The following ZFHX3 variants were observed in gnomAD, a reference collection of about 807,000 sequenced individuals.
ZFHX3 encodes zinc finger homeobox 3.
In ZFHX3, 42 loss-of-function variants were observed where a neutral mutation model predicts 279.1. The ratio of observed to expected loss-of-function variants is 0.15; its 90% CI spans 0.12 to 0.19. The LOEUF (loss-of-function observed/expected upper bound fraction) is 0.19. Among genes scored for constraint, ZFHX3 ranks in the 10% least tolerant of loss-of-function variants. The pLI is 1.00. For synonymous variants in ZFHX3, 2,293 were observed against 1,957.8 expected, an observed-to-expected ratio of 1.17 and a Z score of -4.52; for missense variants, 4,981 against 4,754.0, an observed-to-expected ratio of 1.05 and a Z score of -1.40.
At chr16:73,761,555 G>A in intron 1 of ZFHX3, among the ~76,000 whole-genome samples, 1 of 152,140 alleles carries the variant, frequency 6.6e-6, no homozygotes, top group African/African-American at 2.4e-5. Flanking sequence ...AACAAAGCTG[G>A]AGGTGTCATG....
At chr16:73,566,385 T>A (rs2020451072) in intron 2 of ZFHX3, among the ~76,000 whole-genome samples, 1 of 152,194 alleles carries the variant, frequency 6.6e-6, no homozygotes, top group South Asian at 2.1e-4. Flanking sequence ...GAGTGTATTG[T>A]CTGATAGTTC....
chr16:73,544,909 T>G (rs1305187875), intron 2 of ZFHX3, among the ~76,000 whole-genome samples: 1 of 152,030 alleles, frequency 6.6e-6, no homozygotes. Context: ...GATACTAAAG[T>G]GCTAGTCGTG....
intron 1 of ZFHX3, among the ~76,000 whole-genome samples, chr16:73,766,929 A>G (rs550385792): frequency 5.6e-4 from 79 of 142,000 alleles, no homozygotes; most frequent in African/African-American, 2.0e-3. Context: ...GGGTTTTGCC[A>G]TTACTTTTTT....
chr16:73,169,875 C>A (rs1467727349), intron 5 of ZFHX3, among the ~76,000 whole-genome samples: 1 of 152,132 alleles, frequency 6.6e-6, no homozygotes, highest in Non-Finnish European at 1.5e-5. Flanking sequence ...CTCTGACCCA[C>A]CCAATTGTAA....
At chr16:73,150,258 T>C (rs1164965125) in intron 5 of ZFHX3, among the ~76,000 whole-genome samples, 1 of 152,142 alleles carries the variant, frequency 6.6e-6, no homozygotes, top group Non-Finnish European at 1.5e-5. Flanking sequence ...GACAATGTCA[T>C]CTACTGGCTG....
rs13333321 is a variant in ZFHX3 at position 73,852,041 on chromosome 16, T to C, written c.-1608+39610A>G. On this transcript the variant is annotated intron_variant, in intron 1 of 17. Coordinates refer to the ZFHX3 transcript ENST00000641206. ...TGATTGCCCAAGGTTTCACTGGACA[T>C]TCACAAAGGTAAAAATTGTTCATAA... Among the ~76,000 whole-genome samples, 1,409 of 152,296 alleles carry C rather than the reference T, an allele frequency of 9.3e-3. 23 individuals are homozygous for C. The highest frequency in any genetic ancestry group is 0.031 in the African/African-American group (1,301 of 41,556).
At chr16:73,652,806 A>T in intron 2 of ZFHX3, among the ~76,000 whole-genome samples, 1 of 152,186 alleles carries the variant, frequency 6.6e-6, no homozygotes, top group Non-Finnish European at 1.5e-5. Flanking sequence ...TTATTTCCAT[A>T]TGAATACAAA....
intron 1 of ZFHX3, among the ~76,000 whole-genome samples, chr16:73,058,344 GCGGGCGCGGGGAGCGCGGGCGGCGGCGGC>G (rs1028662083): frequency 7.4e-5 from 11 of 148,474 alleles, no homozygotes; most frequent in African/African-American, 2.7e-4. Context: ...CGAGCAGGGC[GCGGGCGCGGGGAGCGCGGGCGGCGGCGGC>G]CGGGCGCGAG....
chr16:73,810,436 AAGGGTTCTTAAATCTAAT>A (rs1229602444), intron 1 of ZFHX3, among the ~76,000 whole-genome samples: 1 of 152,204 alleles, frequency 6.6e-6, no homozygotes, highest in African/African-American at 2.4e-5. Flanking sequence ...GATAACCTCT[AAGGGTTCTTAAATCTAAT>A]GATTTATTTT....
intron 2 of ZFHX3, among the ~76,000 whole-genome samples, chr16:73,583,160 C>T (rs537358451): frequency 3.3e-5 from 5 of 152,260 alleles, no homozygotes; most frequent in African/African-American, 1.2e-4. Flanking sequence ...AATATCTGGG[C>T]CAATCAGGTT....
chr16:73,869,435 A>G (rs1962108138), intron 1 of ZFHX3, among the ~76,000 whole-genome samples: 1 of 152,244 alleles, frequency 6.6e-6, no homozygotes, highest in Admixed American at 6.5e-5. Context: ...ACTGTCTTCA[A>G]GCAAAAGTTA....
At chr16:73,596,315 A>G (rs1437856108) in intron 2 of ZFHX3, among the ~76,000 whole-genome samples, 1 of 152,068 alleles carries the variant, frequency 6.6e-6, no homozygotes, top group African/African-American at 2.4e-5. Flanking sequence ...GAGCCAACGC[A>G]CCTGGCCTCG....
intron 1 of ZFHX3, chr16:73,813,865 T>A (rs559237768): frequency 6.6e-6 from 1 of 152,372 alleles, no homozygotes; most frequent in East Asian, 1.9e-4. Flanking sequence ...CAGGCAAGAT[T>A]TGTTCCCTTG....
chr16:72,795,404 G>C lies in ZFHX3; in HGVS notation c.7278C>G (p.Gly2426=). 1 of 1,614,068 alleles carries C rather than the reference G, an allele frequency of 6.2e-7. No homozygotes were observed. The highest frequency in any genetic ancestry group is 8.5e-7 in the Non-Finnish European group (1 of 1,180,028). The stretch of plus-strand genomic sequence containing the variant: ...CTTCCGCCAGCTTTGGTTTCTCATC[G>C]CCTGCCTCTGTTTTTGAATTGAAGG... ...LATFNSKTEA[G]DEKPKLAEAP... The change falls in exon 9 of 10, where the codon GGC becomes GGG. Residue 2426 remains glycine (G), a synonymous_variant. Coordinates refer to ENST00000268489, the MANE Select transcript of ZFHX3 (RefSeq NM_006885.4).
intron 1 of ZFHX3, among the ~76,000 whole-genome samples, chr16:73,864,954 G>A (rs1961974558): frequency 6.6e-6 from 1 of 152,202 alleles, no homozygotes. Context: ...ATCTGACACA[G>A]GTAACCTGAT....
intron 1 of ZFHX3, among the ~76,000 whole-genome samples, chr16:72,988,953 A>C (rs749405552): frequency 3.3e-5 from 5 of 152,166 alleles, no homozygotes; most frequent in Non-Finnish European, 7.3e-5. Flanking sequence ...AAGTGGGAGG[A>C]TCACAGGAGC....
chr16:72,804,092 G>C (rs1039864815), intron 7 of ZFHX3, among the ~76,000 whole-genome samples: 2 of 152,192 alleles, frequency 1.3e-5, no homozygotes, highest in Non-Finnish European at 2.9e-5. Context: ...AAGAAATGTA[G>C]AGTTCTACTC....
chr16:73,157,925 G>C (rs967746992), intron 5 of ZFHX3, among the ~76,000 whole-genome samples: 1 of 152,000 alleles, frequency 6.6e-6, no homozygotes, highest in Non-Finnish European at 1.5e-5. Context: ...TGGACTTCTC[G>C]GGATGCAGGA....
At chr16:73,772,450 T>A (rs2054029037) in intron 1 of ZFHX3, among the ~76,000 whole-genome samples, 1 of 152,184 alleles carries the variant, frequency 6.6e-6, no homozygotes, top group Non-Finnish European at 1.5e-5. Context: ...GCCCCCATGA[T>A]TCAGTTACCT....
Sources: allele counts gnomAD v4.1 joint callset (sites outside exome capture counted in the v4.1 genomes callset), GRCh38; gene constraint gnomAD v4.1.1; transcripts MANE v1.5; gene names NCBI Gene and HGNC (gene_info 2026-07-23, HGNC 2026-07-21).